Variants in SMPX observed in about 807,000 individuals in gnomAD.
The protein encoded by SMPX is small muscle protein X-linked, also known as small muscular protein.
A neutral mutation model predicts 6.3 loss-of-function variants in SMPX; 2 were observed. The ratio of observed to expected loss-of-function variants is 0.32; its 90% CI spans 0.13 to 0.99. The LOEUF (loss-of-function observed/expected upper bound fraction) is 0.99. SMPX is among the 50% of genes least tolerant of loss of function. The pLI is 0.49. For synonymous variants in SMPX, 32 were observed against 24.7 expected, an observed-to-expected ratio of 1.30 and a Z score of -0.88; for missense variants, 60 against 66.8, an observed-to-expected ratio of 0.90 and a Z score of 0.36.
intron 4 of SMPX, among the ~76,000 whole-genome samples, chrX:21,718,523 C>T (rs1389514531): frequency 1.8e-5 from 2 of 112,180 alleles, no homozygotes; most frequent in African/African-American, 6.5e-5. Flanking sequence ...CAAGTGACCA[C>T]ATACTGTTGG....
chrX:21,733,427 A>C (rs765105009), intron 4 of SMPX, among the ~76,000 whole-genome samples: 1 of 112,497 alleles, frequency 8.9e-6, no homozygotes, highest in South Asian at 3.7e-4. Flanking sequence ...TAAGTGAGCT[A>C]TCAAGAATCA....
At chrX:21,726,629 T>G (rs754137166) in intron 4 of SMPX, among the ~76,000 whole-genome samples, 1 of 112,146 alleles carries the variant, frequency 8.9e-6, no homozygotes, top group Non-Finnish European at 1.9e-5. Context: ...GGAACTGTCC[T>G]GTGTGTTGTA....
intron 2 of SMPX, among the ~76,000 whole-genome samples, chrX:21,744,800 G>A (rs2092819764): frequency 8.9e-6 from 1 of 112,228 alleles, no homozygotes; most frequent in Non-Finnish European, 1.9e-5. Flanking sequence ...TTGATGTTAT[G>A]CATGTAAATG....
At chrX:21,723,737 A>T in intron 4 of SMPX, among the ~76,000 whole-genome samples, 1 of 111,574 alleles carries the variant, frequency 9.0e-6, no homozygotes, top group East Asian at 2.8e-4. Context: ...TGAGTACAGG[A>T]GCAAAGTCTG....
intron 4 of SMPX, among the ~76,000 whole-genome samples, chrX:21,707,106 C>T (rs1159574348): frequency 2.8e-5 from 3 of 108,390 alleles, no homozygotes; most frequent in African/African-American, 1.0e-4. Context: ...CATCACCCCC[C>T]ACCCCAAGCC....
intron 1 of SMPX, 65 bp from the exon 2 acceptor site, chrX:21,754,367 G>A (rs571727006): frequency 1.7e-5 from 15 of 865,500 alleles, no homozygotes; most frequent in Admixed American, 2.2e-5. Context: ...TGATAAATTA[G>A]AATTTAACTC....
intron 2 of SMPX, among the ~76,000 whole-genome samples, chrX:21,751,629 G>A (rs1306968624): frequency 8.9e-6 from 1 of 111,935 alleles, no homozygotes; most frequent in Non-Finnish European, 1.9e-5. Context: ...ATTCATCTCA[G>A]GGATCAGGGA....
Position 21,737,696 on chromosome X carries a change from C to A in SMPX, c.134G>T (p.Gly45Val). 1.7e-6 allele frequency: 2 copies of A among 1,210,389 alleles called. No individual in the cohort carries two copies. Among genetic ancestry groups the A allele is most frequent in the Non-Finnish European group, 2.2e-6 (2 of 894,443 alleles). ...RKECTPEVEEGVPPTSDEEKK... is the reference protein window; with the variant it reads ...RKECTPEVEEVVPPTSDEEKK... ...CTCCTCATCCGAGGTGGGAGGAACA[C>A]CCTGAAGAGCAAGGAGAAGAAATCC... is the stretch of plus-strand genomic sequence containing the variant. The change falls in exon 4 of 5, where the codon GGT (glycine) becomes GTT (valine). Residue 45 changes from glycine to valine, a missense_variant and splice_region_variant. Physicochemically the swap from Gly to Val is moderately radical, Grantham distance 109 (BLOSUM62 -3). Transcript: ENST00000379494.
intron 4 of SMPX, among the ~76,000 whole-genome samples, chrX:21,709,660 G>A (rs2092776451): frequency 8.9e-6 from 1 of 111,745 alleles, no homozygotes; most frequent in Non-Finnish European, 1.9e-5. Context: ...CAGGAGTGTT[G>A]GGTTGATGTG....
intron 4 of SMPX, among the ~76,000 whole-genome samples, chrX:21,715,303 T>TAC (rs2092783394): frequency 1.2e-5 from 1 of 86,074 alleles, no homozygotes; most frequent in East Asian, 3.4e-4. Context: ...TGTGTGTGTG[T>TAC]GCGCGCACGC....
intron 3 of SMPX, among the ~76,000 whole-genome samples, chrX:21,743,428 CACGCAT>C (rs1213336555): frequency 1.6e-5 from 1 of 63,662 alleles, no homozygotes; most frequent in Non-Finnish European, 2.6e-5. Context: ...CACACACACA[CACGCAT>C]ACACACAATC....
At chrX:21,721,307 A>T (rs2092791492) in intron 4 of SMPX, among the ~76,000 whole-genome samples, 1 of 111,879 alleles carries the variant, frequency 8.9e-6, no homozygotes, top group Admixed American at 9.5e-5. Flanking sequence ...GTTTGGACTC[A>T]TATGGCAGTC....
At chrX:21,715,318 GCGCT>G (rs1569303820) in intron 4 of SMPX, among the ~76,000 whole-genome samples, 86 of 108,996 alleles carry the variant, frequency 7.9e-4, no homozygotes, top group African/African-American at 2.7e-3. Flanking sequence ...GCACGCGCGC[GCGCT>G]CGCGCGCTGG....
chrX:21,735,842 C>G lies in SMPX; in HGVS notation c.*14+1707G>C, dbSNP rs750860265. 2.7e-5 allele frequency among the ~76,000 whole-genome samples: 3 copies of G among 111,921 alleles called. No homozygotes were observed. The South Asian group carries it at 1.1e-3, about 43-fold the overall frequency. The stretch of plus-strand genomic sequence containing the variant: ...ACAAGGAAGTTCTGAAGTTTCATCC[C>G]TACCATATTGAAAGATTTCATCTCA... On this transcript the variant is annotated intron_variant, in intron 4 of 4. Transcript: ENST00000379494.
chrX:21,726,114 G>T (rs751851564), intron 4 of SMPX, among the ~76,000 whole-genome samples: 24 of 111,921 alleles, frequency 2.1e-4, no homozygotes, highest in Non-Finnish European at 1.9e-5. Context: ...GAGTGGTCAG[G>T]AAGTTGCCCA....
rs893592261 is a variant in SMPX at position 21,746,764 on chromosome X, T to C, written c.46-2928A>G. ...ATAAGGGAGTATAAGAGGCGTGCTTTGTCAGTTGTGGCATGCATTATACTA... is the reference window on the plus strand; with the variant it reads ...ATAAGGGAGTATAAGAGGCGTGCTTCGTCAGTTGTGGCATGCATTATACTA... On this transcript the variant is annotated intron_variant, in intron 2 of 4. Coordinates refer to ENST00000379494, the MANE Select transcript of SMPX (RefSeq NM_014332.3). 2.0e-4 allele frequency among the ~76,000 whole-genome samples: 22 copies of C among 109,911 alleles called. 2 individuals are homozygous for C. The highest frequency in any genetic ancestry group is 1.8e-3 in the Admixed American group (19 of 10,286).
At chrX:21,712,128 T>C (rs969782440) in intron 4 of SMPX, among the ~76,000 whole-genome samples, 3 of 112,148 alleles carry the variant, frequency 2.7e-5, no homozygotes, top group African/African-American at 3.2e-5. Context: ...AAACTCTTTC[T>C]TTTTTCCCAA....
intron 4 of SMPX, among the ~76,000 whole-genome samples, chrX:21,727,783 A>G (rs73453555): frequency 8.9e-6 from 1 of 112,173 alleles, no homozygotes; most frequent in African/African-American, 3.2e-5. Context: ...GTTCACAGGC[A>G]GGGAGCAGTG....
rs189017559 is a variant in SMPX at position 21,750,895 on chromosome X, A to G, written c.45+3351T>C. Among the ~76,000 whole-genome samples, 232 of 112,232 alleles carry G rather than the reference A, an allele frequency of 2.1e-3. 1 individual carries two copies. The highest frequency in any genetic ancestry group is 7.3e-3 in the African/African-American group (224 of 30,896). ...CCATCTCTTAAGGAATTTGTATACTATAGATTATTTTGTCTATTCATTATA... is the reference window on the plus strand; with the variant it reads ...CCATCTCTTAAGGAATTTGTATACTGTAGATTATTTTGTCTATTCATTATA... On this transcript the variant is annotated intron_variant, in intron 2 of 4. Coordinates refer to ENST00000379494, the MANE Select transcript of SMPX (RefSeq NM_014332.3).
Sources: gnomAD v4.1 joint callset for allele counts (sites outside exome capture counted in the v4.1 genomes callset) on GRCh38, gnomAD v4.1.1 for gene constraint, MANE v1.5 for transcripts, NCBI Gene and HGNC (gene_info 2026-07-23, HGNC 2026-07-21) for gene names.